The following ARHGAP21 variants were observed in gnomAD, a reference collection of about 807,000 sequenced individuals.
ARHGAP21 encodes Rho GTPase activating protein 21, also known as rho GTPase-activating protein 21.
A neutral mutation model predicts 164.6 loss-of-function variants in ARHGAP21; 38 were observed. That is an observed-to-expected ratio of 0.23 (90% CI 0.18 to 0.30). The LOEUF (loss-of-function observed/expected upper bound fraction) is 0.30, where lower values mean the gene tolerates loss of function less well. ARHGAP21 is among the 10% of genes least tolerant of loss of function. ARHGAP21 has a pLI of 1.00. For synonymous variants in ARHGAP21, 766 were observed against 857.9 expected, an observed-to-expected ratio of 0.89 and a Z score of 1.87; for missense variants, 1,822 against 2,370.7, an observed-to-expected ratio of 0.77 and a Z score of 4.81.
At chr10:24,591,477 T>C (rs1397395321) in intron 23 of ARHGAP21, 147 bp from the exon 24 acceptor site, 3 of 1,110,140 alleles carry the variant, frequency 2.7e-6, no homozygotes, top group Non-Finnish European at 4.0e-6. Context: ...AACTGCAAAA[T>C]AAGCACCGTA....
intron 2 of ARHGAP21, among the ~76,000 whole-genome samples, chr10:24,678,218 G>T (rs1034037862): frequency 6.6e-6 from 1 of 152,130 alleles, no homozygotes; most frequent in Admixed American, 6.5e-5. Flanking sequence ...ATCACAACCA[G>T]GTTACTGACA....
At chr10:24,702,573 T>G (rs1417408736) in intron 2 of ARHGAP21, among the ~76,000 whole-genome samples, 2 of 151,218 alleles carry the variant, frequency 1.3e-5, no homozygotes, top group Non-Finnish European at 3.0e-5. Context: ...GTTTTAAGGT[T>G]TTTTTTTTGG....
intron 2 of ARHGAP21, among the ~76,000 whole-genome samples, chr10:24,679,730 TC>T (rs1198533754): frequency 6.6e-6 from 1 of 152,238 alleles, no homozygotes; most frequent in African/African-American, 2.4e-5. Context: ...GAGTATCTTT[TC>T]ATGTGCTTAG....
chr10:24,721,507 A>T (rs1565219079), intron 2 of ARHGAP21, among the ~76,000 whole-genome samples: 1 of 152,196 alleles, frequency 6.6e-6, no homozygotes. Flanking sequence ...AAGGGGACTG[A>T]AGGAAAACGG....
At chr10:24,600,567 A>G in intron 14 of ARHGAP21, 79 bp downstream of exon 14, 2 of 1,457,272 alleles carry the variant, frequency 1.4e-6, no homozygotes, top group Non-Finnish European at 1.8e-6. Context: ...TATAAAAATG[A>G]TATATCATAT....
chr10:24,594,590 ACTTAT>A (rs1487448330), intron 21 of ARHGAP21, among the ~76,000 whole-genome samples: 1 of 149,298 alleles, frequency 6.7e-6, no homozygotes, highest in Non-Finnish European at 1.5e-5. Flanking sequence ...AATGAAAATG[ACTTAT>A]CTGTTTATGT....
chr10:24,615,526 AG>A, intron 9 of ARHGAP21, among the ~76,000 whole-genome samples: 1 of 152,354 alleles, frequency 6.6e-6, no homozygotes, highest in South Asian at 2.1e-4. Context: ...GATTTAAAAA[AG>A]TAAAATCCAA....
At chr10:24,640,530 A>G (rs922631296) in intron 4 of ARHGAP21, among the ~76,000 whole-genome samples, 4 of 152,140 alleles carry the variant, frequency 2.6e-5, no homozygotes, top group Non-Finnish European at 4.4e-5. Context: ...CTATGCTCCA[A>G]TCTGAAAGTC....
At chr10:24,669,721 GTGTTAC>G (rs1183691838) in intron 3 of ARHGAP21, among the ~76,000 whole-genome samples, 9 of 152,192 alleles carry the variant, frequency 5.9e-5, no homozygotes, top group Non-Finnish European at 1.0e-4. Flanking sequence ...TTTTCAGGCT[GTGTTAC>G]TGTCCACTGA....
intron 3 of ARHGAP21, among the ~76,000 whole-genome samples, chr10:24,667,681 A>C (rs543708845): frequency 1.3e-5 from 2 of 152,310 alleles, no homozygotes; most frequent in East Asian, 3.9e-4. Context: ...GTACCTTAGA[A>C]AGAAAAACAG....
Position 24,585,435 on chromosome 10 carries a change from C to G in ARHGAP21, c.4854G>C (p.Glu1618Asp). ...VQSVAESKGDEADDERSELIS... is the reference protein window; with the variant it reads ...VQSVAESKGDDADDERSELIS... ...TGAGTTCGCTTCTCTCGTCATCTGC[C>G]TCGTCCCCCTTGCTCTCTGCCACGG... Residue 1618 changes from glutamate to aspartate, a missense_variant, in exon 26 of 26, where the codon GAG becomes GAC. Glu to Asp is a conservative substitution (Grantham distance 45). Coordinates refer to ENST00000396432, the MANE Select transcript of ARHGAP21 (RefSeq NM_020824.4). The G allele has an allele frequency of 1.9e-6, 3 of 1,614,042 alleles. No homozygotes were observed. Among genetic ancestry groups the G allele is most frequent in the Non-Finnish European group, 2.5e-6 (3 of 1,180,054 alleles).
intron 2 of ARHGAP21, among the ~76,000 whole-genome samples, chr10:24,711,878 T>A (rs1844858422): frequency 6.6e-6 from 1 of 152,106 alleles, no homozygotes; most frequent in South Asian, 2.1e-4. Flanking sequence ...CCTGTGGGCA[T>A]GACCTTATTT....
chr10:24,633,320 A>G lies in ARHGAP21; in HGVS notation c.440+82T>C. 5.0e-6 allele frequency: 5 copies of G among 993,180 alleles called. No homozygotes were observed. In the South Asian group the frequency reaches 8.2e-5, roughly 16 times the overall value. The allele number at this position is 993,180 out of a possible 1,614,324, so 61.5% of individuals were successfully genotyped here. ...CTCCTTGTCACCACAATTCCTTGTA[A>G]GAATAGAAGATTGTATTAAATCTAT... On this transcript the variant is annotated intron_variant, in intron 6 of 25. Transcript: ENST00000396432.
chr10:24,630,753 A>G (rs905778457), intron 6 of ARHGAP21, among the ~76,000 whole-genome samples: 4 of 152,180 alleles, frequency 2.6e-5, no homozygotes, highest in African/African-American at 9.7e-5. Context: ...TCAGCCTCCC[A>G]AAGTGCTGGG....
intron 1 of ARHGAP21, 173 bp from the exon 2 acceptor site, chr10:24,722,452 TCTC>T: frequency 6.4e-6 from 1 of 155,708 alleles, no homozygotes; most frequent in Admixed American, 6.2e-5. Context: ...AAAAGAGAAA[TCTC>T]GAAACTGCCC....
chr10:24,681,480 C>T (rs1290342439), intron 2 of ARHGAP21, among the ~76,000 whole-genome samples: 1 of 152,096 alleles, frequency 6.6e-6, no homozygotes, highest in Non-Finnish European at 1.5e-5. Flanking sequence ...TAATTATTTG[C>T]ACTTTAAGTA....
intron 2 of ARHGAP21, among the ~76,000 whole-genome samples, chr10:24,719,098 T>TACACACACACACACACACACACAC (rs57863565): frequency 2.0e-5 from 3 of 147,506 alleles, no homozygotes; most frequent in Non-Finnish European, 3.0e-5. Flanking sequence ...CTTCACGGAC[T>TACACACACACACACACACACACAC]ACACACACAC....
chr10:24,629,347 G>A (rs964833916), intron 7 of ARHGAP21: 1 of 151,912 alleles, frequency 6.6e-6, no homozygotes, highest in Non-Finnish European at 1.5e-5. Flanking sequence ...CTTAGTAAAG[G>A]AGTTAAGTAT....
At chr10:24,651,927 G>C (rs892819472) in intron 4 of ARHGAP21, among the ~76,000 whole-genome samples, 7 of 152,088 alleles carry the variant, frequency 4.6e-5, no homozygotes, top group Non-Finnish European at 1.0e-4. Flanking sequence ...CTACCCAATA[G>C]CAGCACTTAT....
Sources: gnomAD v4.1 joint callset for allele counts (sites outside exome capture counted in the v4.1 genomes callset) on GRCh38, gnomAD v4.1.1 for gene constraint, MANE v1.5 for transcripts, NCBI Gene and HGNC (gene_info 2026-07-23, HGNC 2026-07-21) for gene names.